TMEM232: variants seen among roughly 807,000 people sequenced by gnomAD.
TMEM232 encodes the protein transmembrane protein 232.
TMEM232 carries 80 observed loss-of-function variants against 78.8 expected under a neutral mutation model. The ratio of observed to expected loss-of-function variants is 1.01; its 90% confidence interval spans 0.85 to 1.22. The LOEUF (loss-of-function observed/expected upper bound fraction) is 1.22, where lower values mean the gene tolerates loss of function less well. TMEM232 is among the 50% of genes most tolerant of loss of function. TMEM232 has a pLI of 0.00. For missense variants in TMEM232, 881 were observed against 742.2 expected, an observed-to-expected ratio of 1.19 and a Z score of -2.17; for synonymous variants, 297 against 254.3, an observed-to-expected ratio of 1.17 and a Z score of -1.60.
chr5:110,433,752 AT>A (rs72083387), intron 12 of TMEM232, among the ~76,000 whole-genome samples: 152,096 of 152,102 alleles, frequency 1, 76,045 homozygotes, highest in Middle Eastern at 1. Context: ...TCGTTTTTAA[AT>A]TTTAATTCTC....
intron 12 of TMEM232, among the ~76,000 whole-genome samples, chr5:110,508,687 G>A (rs1767257339): frequency 6.6e-6 from 1 of 150,410 alleles, no homozygotes; most frequent in African/African-American, 2.4e-5. Flanking sequence ...AAAGTTTCTG[G>A]TCAAGCTGTT....
At chr5:110,408,879 G>A (rs1421576082) in intron 2 of TMEM232, among the ~76,000 whole-genome samples, 1 of 152,126 alleles carries the variant, frequency 6.6e-6, no homozygotes, top group African/African-American at 2.4e-5. Flanking sequence ...CTCATCACAG[G>A]TGGAGGATGA....
At chr5:110,661,012 G>A (rs1265827772) in intron 2 of TMEM232, among the ~76,000 whole-genome samples, 2 of 151,996 alleles carry the variant, frequency 1.3e-5, no homozygotes, top group African/African-American at 4.8e-5. Context: ...CCAGCTTCTG[G>A]TAACCATCAT....
intron 12 of TMEM232, among the ~76,000 whole-genome samples, chr5:110,511,241 C>T (rs995560539): frequency 1.8e-4 from 27 of 151,938 alleles, no homozygotes; most frequent in Non-Finnish European, 2.9e-4. Flanking sequence ...GGGAGTTGAA[C>T]AATGAGAGTA....
chr5:110,638,520 T>C (rs1246612029), intron 4 of TMEM232, among the ~76,000 whole-genome samples, 165 bp from the exon 5 acceptor site: 1 of 152,220 alleles, frequency 6.6e-6, no homozygotes, highest in African/African-American at 2.4e-5. Flanking sequence ...AGGTGATGTC[T>C]ATATGCTCTT....
At chr5:110,442,439 T>C (rs148283284) in intron 12 of TMEM232, among the ~76,000 whole-genome samples, 2,596 of 152,134 alleles carry the variant, frequency 0.017, 38 homozygotes, top group Middle Eastern at 0.079. Flanking sequence ...GTATGTGAAT[T>C]GATCAACTCC....
chr5:110,730,584 T>C (rs1223708867), upstream of TMEM232, among the ~76,000 whole-genome samples: 4 of 152,160 alleles, frequency 2.6e-5, no homozygotes, highest in African/African-American at 9.7e-5. Context: ...CTCAGAATCA[T>C]GGCGGGAGGT....
intron 10 of TMEM232, among the ~76,000 whole-genome samples, chr5:110,579,272 A>C (rs1777905005): frequency 1.3e-5 from 2 of 151,550 alleles, no homozygotes; most frequent in Admixed American, 1.3e-4. Flanking sequence ...AAAAAAAAAA[A>C]CCGAAATACT....
chr5:110,482,867 A>T (rs1227015510), intron 12 of TMEM232, among the ~76,000 whole-genome samples: 1 of 151,930 alleles, frequency 6.6e-6, no homozygotes, highest in Non-Finnish European at 1.5e-5. Context: ...TTCAAATGCT[A>T]AAGAGAAGTA....
At chr5:110,571,099 T>C (rs1036575096) in intron 10 of TMEM232, among the ~76,000 whole-genome samples, 7 of 152,054 alleles carry the variant, frequency 4.6e-5, no homozygotes, top group African/African-American at 1.7e-4. Context: ...TTAGGAATCC[T>C]TCTCTGAATC....
intron 2 of TMEM232, among the ~76,000 whole-genome samples, chr5:110,733,117 A>G (rs1798833129): frequency 6.6e-6 from 1 of 152,210 alleles, no homozygotes; most frequent in South Asian, 2.1e-4. Flanking sequence ...TCAAAAGCAC[A>G]ATGAGTTCCC....
intron 1 of TMEM232, chr5:110,720,642 T>C (rs1042349805): frequency 2.0e-5 from 3 of 152,194 alleles, no homozygotes; most frequent in African/African-American, 7.2e-5. Flanking sequence ...TTTCCCATTT[T>C]ACTACATTCA....
chr5:110,415,321 G>A (rs544329245), downstream of TMEM232, among the ~76,000 whole-genome samples: 1 of 151,728 alleles, frequency 6.6e-6, no homozygotes, highest in Non-Finnish European at 1.5e-5. Context: ...CCGAGTAGCT[G>A]GGACTACAGG....
intron 2 of TMEM232, among the ~76,000 whole-genome samples, chr5:110,399,724 C>T (rs928141192): frequency 5.3e-5 from 8 of 152,210 alleles, no homozygotes; most frequent in African/African-American, 4.8e-5. Flanking sequence ...CCATCAGCTT[C>T]GAAATGACTT....
chr5:110,514,409 T>C (rs1423494430), intron 12 of TMEM232, among the ~76,000 whole-genome samples: 5 of 152,116 alleles, frequency 3.3e-5, no homozygotes, highest in African/African-American at 1.2e-4. Context: ...AAATATTATA[T>C]TCTAAAGAAA....
intron 3 of TMEM232, among the ~76,000 whole-genome samples, chr5:110,392,718 C>T (rs1326685429): frequency 6.6e-6 from 1 of 152,190 alleles, no homozygotes; most frequent in South Asian, 2.1e-4. Context: ...CCAAAGGTTC[C>T]ACCTCCAAAT....
chr5:110,723,319 G>C (rs1289946394), intron 1 of TMEM232, among the ~76,000 whole-genome samples: 2 of 152,124 alleles, frequency 1.3e-5, no homozygotes, highest in East Asian at 3.9e-4. Context: ...TGTTCAATCA[G>C]AAACATACCT....
intron 12 of TMEM232, among the ~76,000 whole-genome samples, chr5:110,426,399 T>C (rs1580626057): frequency 1.3e-5 from 2 of 152,156 alleles, no homozygotes; most frequent in East Asian, 3.9e-4. Flanking sequence ...TAATGAATGT[T>C]TGTATGTTTG....
intron 2 of TMEM232, among the ~76,000 whole-genome samples, chr5:110,647,715 A>G (rs545767013): frequency 2.3e-4 from 35 of 152,070 alleles, no homozygotes; most frequent in Admixed American, 1.1e-3. Context: ...AACAAATCCA[A>G]TAATTCCTTT....
Sources: gnomAD v4.1 joint callset for allele counts (sites outside exome capture counted in the v4.1 genomes callset) on GRCh38, gnomAD v4.1.1 for gene constraint, MANE v1.5 for transcripts, NCBI Gene and HGNC (gene_info 2026-07-23, HGNC 2026-07-21) for gene names.